The following DLGAP1 variants were observed in gnomAD, a reference collection of about 807,000 sequenced individuals.
DLGAP1 encodes the protein disks large-associated protein 1.
Under a neutral mutation model 90.8 loss-of-function variants are expected in DLGAP1, and 11 were observed. The observed-to-expected ratio is 0.12, with a 90% confidence interval of 0.08 to 0.20. DLGAP1 has a LOEUF of 0.20. Ranked by LOEUF, DLGAP1 falls within the 10% of genes least tolerant of loss-of-function variation. DLGAP1 has a pLI of 1.00. For synonymous variants in DLGAP1, 558 were observed against 540.7 expected (o/e 1.03, Z -0.44); for missense variants, 1,050 against 1,333.8 (o/e 0.79, Z 3.31).
chr18:3,874,387 T>C (rs904763670), intron 4 of DLGAP1: 5 of 1,460,156 alleles, frequency 3.4e-6, no homozygotes, highest in East Asian at 2.5e-5. Context: ...CAAAATACAC[T>C]GTTTGAAGGG....
intron 6 of DLGAP1, among the ~76,000 whole-genome samples, chr18:3,742,095 C>T (rs1298535036): frequency 6.6e-6 from 1 of 152,046 alleles, no homozygotes; most frequent in Non-Finnish European, 1.5e-5. Flanking sequence ...TTCCAAGGAC[C>T]CTCTTCATTG....
intron 1 of DLGAP1, among the ~76,000 whole-genome samples, chr18:4,419,641 T>C (rs1037159591): frequency 8.1e-6 from 1 of 123,918 alleles, no homozygotes; most frequent in Non-Finnish European, 1.7e-5. Context: ...AATAATAAGA[T>C]AAAGGATGGG....
chr18:4,348,091 T>C (rs2081333174), intron 1 of DLGAP1, among the ~76,000 whole-genome samples: 1 of 152,118 alleles, frequency 6.6e-6, no homozygotes, highest in Non-Finnish European at 1.5e-5. Context: ...TAGAAAACAG[T>C]GTTTTGACCG....
At chr18:4,431,337 C>T (rs2083281967) in intron 1 of DLGAP1, among the ~76,000 whole-genome samples, 2 of 152,152 alleles carry the variant, frequency 1.3e-5, no homozygotes, top group South Asian at 4.1e-4. Context: ...AACTTTTAGA[C>T]TTGGGTATAA....
At chr18:3,505,510 C>T (rs1371536030) in intron 11 of DLGAP1, among the ~76,000 whole-genome samples, 2 of 151,022 alleles carry the variant, frequency 1.3e-5, no homozygotes, top group African/African-American at 4.9e-5. Flanking sequence ...TCGTGGTGGG[C>T]GCCTATAGTC....
At chr18:3,849,202 G>A (rs527931442) in intron 4 of DLGAP1, among the ~76,000 whole-genome samples, 16 of 152,256 alleles carry the variant, frequency 1.1e-4, no homozygotes, top group Admixed American at 7.8e-4. Flanking sequence ...GTCAATATGC[G>A]ATTATCTAAT....
At chr18:4,151,832 C>A (rs907835111) in intron 1 of DLGAP1, among the ~76,000 whole-genome samples, 1 of 152,108 alleles carries the variant, frequency 6.6e-6, no homozygotes, top group African/African-American at 2.4e-5. Flanking sequence ...AAGCCACTAT[C>A]CTTAATTAGG....
chr18:3,532,648 TAA>T (rs1215183663), intron 10 of DLGAP1, among the ~76,000 whole-genome samples: 1 of 151,756 alleles, frequency 6.6e-6, no homozygotes, highest in Non-Finnish European at 1.5e-5. Context: ...AAAACAAGTC[TAA>T]AAAGTTACTT....
intron 1 of DLGAP1, among the ~76,000 whole-genome samples, chr18:4,327,176 T>A (rs536896129): frequency 2.6e-5 from 4 of 152,210 alleles, no homozygotes; most frequent in Admixed American, 2.6e-4. Flanking sequence ...AATAATAATG[T>A]ATTGTGTATT....
chr18:4,216,680 A>T (rs1393975967), intron 1 of DLGAP1, among the ~76,000 whole-genome samples: 1 of 152,156 alleles, frequency 6.6e-6, no homozygotes, highest in Non-Finnish European at 1.5e-5. Context: ...TTACTCCCTC[A>T]TAGTTAGGAT....
intron 5 of DLGAP1, among the ~76,000 whole-genome samples, chr18:3,806,895 T>C (rs2066592290): frequency 6.6e-6 from 1 of 152,198 alleles, no homozygotes. Context: ...TGCCATCCTT[T>C]GAAGAAGGTT....
At chr18:4,176,124 C>T (rs1425598037) in intron 1 of DLGAP1, among the ~76,000 whole-genome samples, 1 of 152,140 alleles carries the variant, frequency 6.6e-6, no homozygotes, top group African/African-American at 2.4e-5. Flanking sequence ...TTATAGTTCT[C>T]CTTGGAGAGG....
chr18:4,382,155 T>C (rs2082137929), intron 1 of DLGAP1, among the ~76,000 whole-genome samples: 1 of 152,138 alleles, frequency 6.6e-6, no homozygotes, highest in Non-Finnish European at 1.5e-5. Context: ...GCCATATCTC[T>C]TATATTTATC....
Position 3,550,207 on chromosome 18 carries a change from C to T in DLGAP1, c.2058-15592G>A, listed in dbSNP as rs531930120. Among the ~76,000 whole-genome samples, 26 of 152,090 alleles carry T rather than the reference C, an allele frequency of 1.7e-4. No individual in the cohort carries two copies. The East Asian group carries it at 2.1e-3, about 13-fold the overall frequency. ...AGTTACAGGCGTGAGCCACCACGCCCGGCCAGAGCCTTTATTTTTAATTTG... is the reference window on the plus strand; with the variant it reads ...AGTTACAGGCGTGAGCCACCACGCCTGGCCAGAGCCTTTATTTTTAATTTG... On this transcript the variant is annotated intron_variant, in intron 9 of 12. Transcript: ENST00000315677.
chr18:4,204,337 C>A (rs1030381808), intron 1 of DLGAP1, among the ~76,000 whole-genome samples: 4 of 152,170 alleles, frequency 2.6e-5, no homozygotes, highest in African/African-American at 7.2e-5. Context: ...TCTTTTCATT[C>A]TCCAGTAAGC....
intron 3 of DLGAP1, among the ~76,000 whole-genome samples, chr18:3,887,276 A>C (rs1384202895): frequency 6.6e-6 from 1 of 152,214 alleles, no homozygotes; most frequent in Non-Finnish European, 1.5e-5. Flanking sequence ...TTCCTAAGTG[A>C]GACAGGTAGT....
intron 3 of DLGAP1, among the ~76,000 whole-genome samples, chr18:3,935,719 A>G (rs1400798413): frequency 1.3e-5 from 2 of 152,230 alleles, no homozygotes; most frequent in East Asian, 3.9e-4. Flanking sequence ...CTGTGTTTAC[A>G]TAGTAAAACT....
At chr18:3,819,591 T>G (rs1351956631) in intron 4 of DLGAP1, among the ~76,000 whole-genome samples, 2 of 152,132 alleles carry the variant, frequency 1.3e-5, no homozygotes, top group African/African-American at 4.8e-5. Context: ...AAAACATAAG[T>G]TCACATAATG....
At chr18:3,976,990 C>T (rs1420522889) in intron 3 of DLGAP1, among the ~76,000 whole-genome samples, 1 of 152,204 alleles carries the variant, frequency 6.6e-6, no homozygotes, top group African/African-American at 2.4e-5. Context: ...TCTTTAGTAG[C>T]TATACAATCT....
Sources: allele counts gnomAD v4.1 joint callset (sites outside exome capture counted in the v4.1 genomes callset), GRCh38; gene constraint gnomAD v4.1.1; transcripts MANE v1.5; gene names NCBI Gene and HGNC (gene_info 2026-07-23, HGNC 2026-07-21).